Variants in SNX6 observed in about 807,000 individuals in gnomAD.
The protein encoded by SNX6 is sorting nexin 6, also known as sorting nexin-6.
SNX6 carries 34 observed loss-of-function variants against 63.0 expected under a neutral mutation model. The observed-to-expected ratio is 0.54, with a 90% CI of 0.41 to 0.72. The LOEUF is 0.72. Among genes scored for constraint, SNX6 ranks in the 30% least tolerant of loss-of-function variants. The pLI is 0.00. For missense variants in SNX6, 398 were observed against 471.4 expected (o/e 0.84, Z 1.44); for synonymous variants, 170 against 164.2 (o/e 1.04, Z -0.27).
At chr14:34,583,222 T>G (rs1157712523) in intron 9 of SNX6, among the ~76,000 whole-genome samples, 2 of 152,054 alleles carry the variant, frequency 1.3e-5, no homozygotes, top group Non-Finnish European at 2.9e-5. Flanking sequence ...GGCAGGAGAA[T>G]GGTGTGAACC....
chr14:34,628,757 GTCTC>G (rs1175003880), intron 2 of SNX6, among the ~76,000 whole-genome samples: 3 of 152,172 alleles, frequency 2.0e-5, no homozygotes, highest in African/African-American at 7.2e-5. Flanking sequence ...ACTAACAGAT[GTCTC>G]TCTCACATTA....
intron 11 of SNX6, among the ~76,000 whole-genome samples, chr14:34,574,536 GCTACTCA>G (rs1881602593): frequency 6.9e-6 from 1 of 144,484 alleles, no homozygotes; most frequent in Admixed American, 7.4e-5. Context: ...TGTAATCCCA[GCTACTCA>G]GGAGGCTGAG....
intron 11 of SNX6, chr14:34,568,775 C>T (rs1881307794): frequency 2.1e-6 from 2 of 937,172 alleles, no homozygotes; most frequent in South Asian, 2.6e-5. Flanking sequence ...CGGCCCCCAT[C>T]TTGGTCCTTT....
chr14:34,571,520 T>C (rs1881453154), intron 11 of SNX6, among the ~76,000 whole-genome samples: 1 of 152,140 alleles, frequency 6.6e-6, no homozygotes, highest in African/African-American at 2.4e-5. Context: ...GAAAACACTA[T>C]ATACTACATG....
At chr14:34,585,104 G>A (rs530417502) in intron 9 of SNX6, among the ~76,000 whole-genome samples, 4 of 152,178 alleles carry the variant, frequency 2.6e-5, no homozygotes, top group South Asian at 2.1e-4. Flanking sequence ...TGCCCGCCTC[G>A]GCCTCTCAAA....
intron 5 of SNX6, among the ~76,000 whole-genome samples, chr14:34,604,504 T>G (rs1282718209): frequency 1.3e-5 from 2 of 151,688 alleles, no homozygotes; most frequent in African/African-American, 4.9e-5. Context: ...AAACTAAAAC[T>G]AGTGGAAGAA....
chr14:34,586,430 G>C, intron 8 of SNX6, 125 bp from the exon 9 acceptor site: 1 of 498,170 alleles, frequency 2.0e-6, no homozygotes, highest in Non-Finnish European at 3.6e-6. Context: ...GCAAGCAACA[G>C]GCATGGTGGC....
chr14:34,623,282 A>C (rs1052024396), intron 2 of SNX6, among the ~76,000 whole-genome samples: 2 of 152,138 alleles, frequency 1.3e-5, no homozygotes, highest in African/African-American at 2.4e-5. Context: ...GGGAAAAAAA[A>C]CACTGAAATG....
chr14:34,629,811 C>A, intron 2 of SNX6, 96 bp downstream of exon 2: 2 of 1,516,418 alleles, frequency 1.3e-6, no homozygotes, highest in Non-Finnish European at 1.8e-6. Flanking sequence ...GAGGGAGTGC[C>A]GCGCGGCTGG....
At chr14:34,573,844 T>C (rs1881564373) in intron 11 of SNX6, among the ~76,000 whole-genome samples, 1 of 151,654 alleles carries the variant, frequency 6.6e-6, no homozygotes, top group Non-Finnish European at 1.5e-5. Context: ...GGTTTCACTA[T>C]GTTGGCCAGG....
At chr14:34,576,458 T>A (rs898294621) in intron 10 of SNX6, among the ~76,000 whole-genome samples, 1,397 of 112,026 alleles carry the variant, frequency 0.012, 27 homozygotes, top group African/African-American at 0.064. Flanking sequence ...ATATATTTTT[T>A]TTTTTTTTGA....
Position 34,567,680 on chromosome 14 carries a change from C to T in SNX6, c.1167+6G>A. Reference sequence around the variant, plus strand: ...TTAAATTATTAAATCTTTATTACAACACTACCTTTGCATGCTTCAGTTCTA... The same window carrying T: ...TTAAATTATTAAATCTTTATTACAATACTACCTTTGCATGCTTCAGTTCTA... On this transcript the variant is annotated splice_donor_region_variant and intron_variant, in intron 13 of 13. Transcript: ENST00000362031. The T allele has an allele frequency of 6.2e-7, 1 of 1,605,314 alleles. No individual in the cohort carries two copies. Among genetic ancestry groups the T allele is most frequent in the Non-Finnish European group, 8.5e-7 (1 of 1,172,440 alleles).
intron 2 of SNX6, among the ~76,000 whole-genome samples, chr14:34,614,050 T>A (rs747981620): frequency 3.5e-4 from 53 of 151,698 alleles, no homozygotes; most frequent in Non-Finnish European, 7.1e-4. Context: ...GAAGTTGCAG[T>A]GAGGTGAGAT....
At chr14:34,603,615 T>C in intron 5 of SNX6, 144 bp from the exon 6 acceptor site, 4 of 628,708 alleles carry the variant, frequency 6.4e-6, no homozygotes, top group Non-Finnish European at 9.9e-6. Context: ...ACAAGGTTTT[T>C]AGTTGAACTG....
At chr14:34,596,230 G>GAA (rs1378537999) in intron 7 of SNX6, among the ~76,000 whole-genome samples, 1 of 148,764 alleles carries the variant, frequency 6.7e-6, no homozygotes, top group African/African-American at 2.5e-5. Flanking sequence ...AAAAAAAAAA[G>GAA]AAAAAAGAAA....
chr14:34,569,246 G>C, intron 11 of SNX6: 1 of 535,752 alleles, frequency 1.9e-6, no homozygotes, highest in East Asian at 3.4e-5. Flanking sequence ...GTAATTCAAT[G>C]GTTTTTAGCA....
intron 6 of SNX6, among the ~76,000 whole-genome samples, chr14:34,600,319 T>A (rs566383759): frequency 9.2e-5 from 14 of 152,056 alleles, no homozygotes; most frequent in Non-Finnish European, 2.1e-4. Flanking sequence ...GAGACAGGGG[T>A]TTCACCATGT....
intron 2 of SNX6, among the ~76,000 whole-genome samples, chr14:34,614,500 C>A (rs190798667): frequency 6.6e-6 from 1 of 151,946 alleles, no homozygotes; most frequent in Non-Finnish European, 1.5e-5. Context: ...AAAACAGGAA[C>A]GTCAGGCAAA....
chr14:34,566,026 T>C (rs1881167212), intron 13 of SNX6, among the ~76,000 whole-genome samples: 1 of 151,320 alleles, frequency 6.6e-6, no homozygotes, highest in South Asian at 2.1e-4. Flanking sequence ...GGTTTCACCA[T>C]GTTGGCTTGC....
Sources: gnomAD v4.1 joint callset for allele counts (sites outside exome capture counted in the v4.1 genomes callset) on GRCh38, gnomAD v4.1.1 for gene constraint, MANE v1.5 for transcripts, NCBI Gene and HGNC (gene_info 2026-07-23, HGNC 2026-07-21) for gene names.